HACL2: variants seen among roughly 807,000 people sequenced by gnomAD.
The protein encoded by HACL2 is 2-hydroxyacyl-CoA lyase 1 like.
chr19:15,117,792 T>G, the HACL2 span: 5 of 1,518,564 alleles, frequency 3.3e-6, no homozygotes, highest in African/African-American at 1.4e-5. Flanking sequence ...CCTCAATCAC[T>G]GTACCAGGCT....
chr19:15,115,509 G>A, the HACL2 span: 1 of 1,599,236 alleles, frequency 6.3e-7, no homozygotes, highest in East Asian at 2.2e-5. Context: ...AGGAACACAA[G>A]CCCAGCTGGG....
chr19:15,125,038 C>A, the HACL2 span: 1 of 1,558,262 alleles, frequency 6.4e-7, no homozygotes, highest in Non-Finnish European at 8.7e-7. Flanking sequence ...CCAGCGGGGG[C>A]GGCGGCCGCG....
the HACL2 span, chr19:15,123,113 T>C: frequency 1.2e-6 from 2 of 1,613,400 alleles, no homozygotes; most frequent in Non-Finnish European, 1.7e-6. This position sits in a 1 kb window ranked among gnomAD's most constrained non-coding sequence, Gnocchi z 5.1. Flanking sequence ...AAGGACTGGG[T>C]ACCTGCAGCA....
the HACL2 span, chr19:15,115,756 G>A: frequency 6.4e-7 from 1 of 1,567,866 alleles, no homozygotes; most frequent in African/African-American, 1.4e-5. Flanking sequence ...TAGGGCCTCT[G>A]CCAGAGAGGA....
chr19:15,117,854 T>A, the HACL2 span: 1 of 1,613,476 alleles, frequency 6.2e-7, no homozygotes, highest in Admixed American at 1.7e-5. Flanking sequence ...GGAGCACATA[T>A]GTGTACGGGG....
chr19:15,119,907 C>T, the HACL2 span: 2 of 1,023,164 alleles, frequency 2.0e-6, no homozygotes, highest in South Asian at 3.3e-5. Flanking sequence ...AGTACTGACT[C>T]AGGGAGAGGG....
the HACL2 span, chr19:15,115,047 G>A: frequency 3.2e-6 from 2 of 633,774 alleles, no homozygotes; most frequent in South Asian, 1.9e-5. Flanking sequence ...GGGGACAAAC[G>A]GCACAGTTGG....
At chr19:15,119,487 C>A in the HACL2 span, 15 of 1,613,944 alleles carry the variant, frequency 9.3e-6, no homozygotes, top group African/African-American at 2.7e-5. Context: ...CCTCTTGGCC[C>A]GGCTCAGGAT....
chr19:15,117,717 T>C, the HACL2 span: 3 of 636,444 alleles, frequency 4.7e-6, no homozygotes, highest in Non-Finnish European at 8.0e-6. Flanking sequence ...GAAAGAAGCA[T>C]TCATCAGTTT....
At chr19:15,119,972 G>A in the HACL2 span, 1 of 1,540,570 alleles carries the variant, frequency 6.5e-7, no homozygotes, top group Non-Finnish European at 8.8e-7. Flanking sequence ...ACAAAAGAGA[G>A]GCAATTCACC....
chr19:15,118,906 C>T, the HACL2 span, among the ~76,000 whole-genome samples: 1 of 152,240 alleles, frequency 6.6e-6, no homozygotes, highest in East Asian at 1.9e-4. Context: ...GCCAAAACCA[C>T]AGCTACCACC....
chr19:15,120,119 TTAAC>T, the HACL2 span: 12 of 1,292,574 alleles, frequency 9.3e-6, no homozygotes, highest in South Asian at 1.3e-5. Flanking sequence ...GTTGCCAGAA[TTAAC>T]TAACTACAAG....
the HACL2 span, chr19:15,119,287 G>A: frequency 1.9e-6 from 3 of 1,606,178 alleles, no homozygotes; most frequent in Non-Finnish European, 2.6e-6. Context: ...GAACACCCAA[G>A]GTCTCCACGG....
the HACL2 span, chr19:15,116,337 G>T: frequency 6.2e-7 from 1 of 1,613,980 alleles, no homozygotes; most frequent in African/African-American, 1.3e-5. Flanking sequence ...ACAGGACAGC[G>T]AAGGTCACCA....
chr19:15,125,745 C>T, the HACL2 span: 4 of 152,300 alleles, frequency 2.6e-5, no homozygotes, highest in Admixed American at 6.5e-5. Context: ...CCGGGTGGCC[C>T]ACTTGGCTCA....
chr19:15,120,185 G>T, the HACL2 span: 1 of 705,360 alleles, frequency 1.4e-6, no homozygotes, highest in Non-Finnish European at 2.4e-6. Flanking sequence ...CAGGAGCAAA[G>T]TGGCATGGGG....
the HACL2 span, chr19:15,119,522 C>G: frequency 1.4e-5 from 23 of 1,611,144 alleles, no homozygotes; most frequent in Middle Eastern, 3.3e-4. Flanking sequence ...GAACCTGGAG[C>G]GAGAGGTGGG....
the HACL2 span, chr19:15,116,873 G>A: frequency 3.9e-5 from 11 of 283,994 alleles, no homozygotes; most frequent in African/African-American, 1.6e-4. Flanking sequence ...ATCCAGGCAC[G>A]TGGAAGCGCA....
the HACL2 span, among the ~76,000 whole-genome samples, chr19:15,122,398 A>G: frequency 6.6e-6 from 1 of 151,862 alleles, no homozygotes; most frequent in East Asian, 1.9e-4. The surrounding 1 kb of genome is among the most constrained non-coding windows in gnomAD (Gnocchi z 4.0). Context: ...AGGGAGGAGG[A>G]AGAGGAGGAA....
Sources: gnomAD v4.1 joint callset for allele counts (sites outside exome capture counted in the v4.1 genomes callset) on GRCh38, gnomAD v4.1.1 for gene constraint, Gnocchi (gnomAD v3.1) non-coding constraint, MANE v1.5 for transcripts, NCBI Gene and HGNC (gene_info 2026-07-23, HGNC 2026-07-21) for gene names.